AMD1: variants seen among roughly 807,000 people sequenced by gnomAD.
The protein encoded by AMD1 is S-adenosylmethionine decarboxylase proenzyme.
In AMD1, 11 loss-of-function variants were observed where a neutral mutation model predicts 40.2. That is an observed-to-expected ratio of 0.27 (90% CI 0.17 to 0.45). The LOEUF (loss-of-function observed/expected upper bound fraction) is 0.45. AMD1 is among the 20% of genes least tolerant of loss of function. The pLI, the probability that AMD1 is intolerant of heterozygous loss-of-function variation, is 1.00. For missense variants in AMD1, 257 were observed against 410.2 expected (o/e 0.63, Z 3.23); for synonymous variants, 121 against 130.8 (o/e 0.93, Z 0.51).
upstream of AMD1, among the ~76,000 whole-genome samples, chr6:110,871,683 G>T (rs1327069504): frequency 6.6e-6 from 1 of 152,296 alleles, no homozygotes; most frequent in East Asian, 1.9e-4. Flanking sequence ...TTGCTTTTGT[G>T]GGGAGGAGGC....
At chr6:110,815,424 T>A in the AMD1 span, 1 of 272,768 alleles carries the variant, frequency 3.7e-6, no homozygotes, top group Non-Finnish European at 6.8e-6. Context: ...TTTTGGAACC[T>A]GGTGGGCCGC....
At chr6:110,867,225 G>A in the AMD1 span, among the ~76,000 whole-genome samples, 70 of 151,034 alleles carry the variant, frequency 4.6e-4, no homozygotes, top group African/African-American at 1.7e-3. Context: ...ATAGCTCACT[G>A]TAACCTCAAA....
chr6:110,820,099 G>A, the AMD1 span, among the ~76,000 whole-genome samples: 7 of 152,180 alleles, frequency 4.6e-5, no homozygotes, highest in Admixed American at 4.6e-4. Flanking sequence ...ATGTAACCAA[G>A]AAATAACTGT....
At chr6:110,815,231 C>A in the AMD1 span, 1 of 1,334,814 alleles carries the variant, frequency 7.5e-7, no homozygotes, top group Non-Finnish European at 9.6e-7. Flanking sequence ...ACTTCTCCAA[C>A]AGCCGCCTCT....
intron 1 of AMD1, among the ~76,000 whole-genome samples, chr6:110,883,766 T>A (rs569461141): frequency 5.9e-5 from 9 of 152,140 alleles, no homozygotes; most frequent in South Asian, 2.1e-4. Context: ...TAATTTTTTT[T>A]TTTTTTATTT....
At chr6:110,834,076 G>A in the AMD1 span, among the ~76,000 whole-genome samples, 2 of 152,246 alleles carry the variant, frequency 1.3e-5, no homozygotes, top group Admixed American at 6.5e-5. Context: ...GACCACAGGC[G>A]CCAGCCATCA....
chr6:110,890,411 C>G (rs1338861805), intron 4 of AMD1, 55 bp downstream of exon 4: 10 of 1,233,354 alleles, frequency 8.1e-6, no homozygotes, highest in Non-Finnish European at 1.0e-5. Flanking sequence ...AAAGTGCAAC[C>G]TCAGAGATCT....
the AMD1 span, among the ~76,000 whole-genome samples, chr6:110,826,343 AG>A: frequency 6.6e-6 from 1 of 150,956 alleles, no homozygotes; most frequent in South Asian, 2.1e-4. Context: ...AGACTAAGGA[AG>A]GGTTGCCCGC....
chr6:110,861,752 G>T, the AMD1 span, among the ~76,000 whole-genome samples: 13 of 151,924 alleles, frequency 8.6e-5, no homozygotes, highest in African/African-American at 3.1e-4. Context: ...TGAGGCAGGA[G>T]AATTGCTTGA....
At chr6:110,815,341 T>G in the AMD1 span, 6 of 402,308 alleles carry the variant, frequency 1.5e-5, no homozygotes, top group East Asian at 4.3e-5. Flanking sequence ...CACCTCTTCC[T>G]CCTCCTCCTC....
the AMD1 span, among the ~76,000 whole-genome samples, chr6:110,842,585 A>ATAG: frequency 6.6e-6 from 1 of 152,144 alleles, no homozygotes; most frequent in Non-Finnish European, 1.5e-5. Flanking sequence ...CTTAGCAGTA[A>ATAG]TAGTAGTAGT....
At chr6:110,859,248 A>C in the AMD1 span, 1 of 463,292 alleles carries the variant, frequency 2.2e-6, no homozygotes, top group Non-Finnish European at 3.9e-6. Context: ...AGTGCTGCCA[A>C]TCAACCCAGG....
intron 3 of AMD1, 181 bp from the exon 4 acceptor site, chr6:110,890,073 T>A (rs570940378): frequency 1.0e-3 from 520 of 514,608 alleles, no homozygotes; most frequent in Non-Finnish European, 1.5e-3. Flanking sequence ...CTGGGCCAAG[T>A]GATCCTCCTG....
the AMD1 span, among the ~76,000 whole-genome samples, chr6:110,868,944 C>T: frequency 1.3e-5 from 2 of 151,538 alleles, no homozygotes; most frequent in African/African-American, 4.8e-5. Context: ...CCTGCAATCC[C>T]AGCTACTCGG....
At chr6:110,835,220 G>A in the AMD1 span, among the ~76,000 whole-genome samples, 2 of 150,850 alleles carry the variant, frequency 1.3e-5, no homozygotes, top group South Asian at 4.2e-4. Flanking sequence ...GGGTTTCACC[G>A]TATTAGCCAG....
Position 110,874,801 on chromosome 6 carries a change from C to G in AMD1, c.-305C>G, listed in dbSNP as rs571885251. The G allele has an allele frequency of 3.5e-6, 1 of 288,258 alleles. No homozygotes were observed. The highest frequency in any genetic ancestry group is 7.6e-5 in the East Asian group (1 of 13,176). The allele number at this position is 288,258 out of a possible 1,614,324, so 17.9% of individuals were successfully genotyped here. On this transcript the variant is annotated 5_prime_UTR_variant, in exon 1 of 9. Coordinates refer to ENST00000368885, the MANE Select transcript of AMD1 (RefSeq NM_001634.6). ...AGCGCTCTCGCTTACACAGTATGGC[C>G]GGCGACATTAGCTAGCGCTCGCTCT...
chr6:110,824,494 T>C, the AMD1 span, among the ~76,000 whole-genome samples: 1 of 152,272 alleles, frequency 6.6e-6, no homozygotes, highest in African/African-American at 2.4e-5. Context: ...GAGTGACCAG[T>C]GCACTAAAAT....
intron 3 of AMD1, 128 bp from the exon 4 acceptor site, chr6:110,890,126 C>T (rs1218671643): frequency 9.0e-6 from 6 of 666,234 alleles, no homozygotes; most frequent in Non-Finnish European, 1.5e-5. Context: ...CCATGCCAAG[C>T]TAAAATATTT....
the AMD1 span, among the ~76,000 whole-genome samples, chr6:110,837,476 C>T: frequency 2.7e-4 from 40 of 150,074 alleles, no homozygotes; most frequent in Non-Finnish European, 4.3e-4. Flanking sequence ...TTTGGGAGGC[C>T]GAGGCAGATG....
Sources: allele counts gnomAD v4.1 joint callset (sites outside exome capture counted in the v4.1 genomes callset), GRCh38; gene constraint gnomAD v4.1.1; transcripts MANE v1.5; gene names NCBI Gene and HGNC (gene_info 2026-07-23, HGNC 2026-07-21).